The following GRIK2 variants were observed in gnomAD, a reference collection of about 807,000 sequenced individuals.
The protein encoded by GRIK2 is glutamate receptor ionotropic, kainate 2.
GRIK2 carries 32 observed loss-of-function variants against 100.3 expected under a neutral mutation model. The observed-to-expected ratio is 0.32, with a 90% confidence interval of 0.24 to 0.43. The LOEUF (loss-of-function observed/expected upper bound fraction) is 0.43, where lower values mean the gene tolerates loss of function less well. GRIK2 is among the 20% of genes least tolerant of loss of function. GRIK2 has a pLI of 1.00. For synonymous variants in GRIK2, 417 were observed against 389.4 expected (o/e 1.07, Z -0.83); for missense variants, 843 against 1,114.9 (o/e 0.76, Z 3.47).
At chr6:101,602,967 T>A (rs1779292150) in intron 2 of GRIK2, among the ~76,000 whole-genome samples, 1 of 151,772 alleles carries the variant, frequency 6.6e-6, no homozygotes, top group South Asian at 2.1e-4. Context: ...TATCTTCTAC[T>A]TTCTTATAGC....
In GRIK2 at chr6:102,035,324, A is replaced by G. The variant is rs762824882; in HGVS notation, c.2086-17A>G. 1.4e-6 allele frequency: 2 copies of G among 1,467,886 alleles called. No homozygotes were observed. Among genetic ancestry groups the G allele is most frequent in the South Asian group, 1.1e-5 (1 of 87,594 alleles). 90.9% of individuals were successfully genotyped at this position (1,467,886 alleles called of 1,614,324 possible). ...AGAATAACTTTCTCGTGACCAACTTATATTTATTTTCTTCAGAAATCAAAA... is the reference window on the plus strand; with the variant it reads ...AGAATAACTTTCTCGTGACCAACTTGTATTTATTTTCTTCAGAAATCAAAA... On this transcript the variant is annotated splice_polypyrimidine_tract_variant and intron_variant, in intron 14 of 16. Coordinates refer to ENST00000369134, the MANE Select transcript of GRIK2 (RefSeq NM_021956.5).
intron 7 of GRIK2, among the ~76,000 whole-genome samples, chr6:101,733,135 C>T (rs890487438): frequency 3.3e-5 from 5 of 152,068 alleles, no homozygotes; most frequent in South Asian, 2.1e-4. Context: ...ATACAAAATA[C>T]GTTCATTTCA....
At chr6:101,427,143 G>A (rs984568021) in intron 2 of GRIK2, among the ~76,000 whole-genome samples, 29 of 152,226 alleles carry the variant, frequency 1.9e-4, no homozygotes, top group Admixed American at 7.9e-4. Context: ...ATTACCACAT[G>A]GTATGGAAGT....
intron 2 of GRIK2, 49 bp downstream of exon 2, chr6:101,399,441 C>T (rs1247476933): frequency 2.1e-6 from 2 of 933,888 alleles, no homozygotes; most frequent in Non-Finnish European, 3.6e-6. Flanking sequence ...TCCCAGGCAG[C>T]CGGATGTAAA....
intron 5 of GRIK2, 87 bp from the exon 6 acceptor site, chr6:101,682,466 A>G (rs546845186): frequency 4.4e-5 from 32 of 721,858 alleles, no homozygotes; most frequent in South Asian, 4.1e-4. Flanking sequence ...TCTTTATCAC[A>G]TCCTACTATA....
At chr6:101,555,877 CCTAA>C (rs1226254887) in intron 2 of GRIK2, among the ~76,000 whole-genome samples, 2 of 151,844 alleles carry the variant, frequency 1.3e-5, no homozygotes, top group African/African-American at 4.8e-5. Flanking sequence ...GTAATAAATT[CCTAA>C]CTAACCACAA....
intron 4 of GRIK2, among the ~76,000 whole-genome samples, chr6:101,652,070 G>A (rs753553136): frequency 2.6e-5 from 4 of 152,152 alleles, no homozygotes; most frequent in Non-Finnish European, 5.9e-5. Flanking sequence ...CAATCTGGAG[G>A]TCATTGGCAA....
intron 4 of GRIK2, among the ~76,000 whole-genome samples, chr6:101,662,335 A>C (rs1279405643): frequency 6.6e-6 from 1 of 152,228 alleles, no homozygotes; most frequent in Non-Finnish European, 1.5e-5. Context: ...TGACATCTTC[A>C]TAGGCTCGCT....
At chr6:101,632,546 T>C (rs1780805282) in intron 4 of GRIK2, among the ~76,000 whole-genome samples, 2 of 152,146 alleles carry the variant, frequency 1.3e-5, no homozygotes, top group Admixed American at 6.6e-5. Context: ...AATTTTCAGA[T>C]ATATGGACAT....
chr6:101,430,225 A>G lies in GRIK2; in HGVS notation c.115+30833A>G, dbSNP rs1390094627. ...CATACAGGGTATTAAACAAATACCA[A>G]GGGAACAGTTAAGTTCAATACAAAG... On this transcript the variant is annotated intron_variant, in intron 2 of 16. Transcript: ENST00000369134. Among the ~76,000 whole-genome samples the G allele has an allele frequency of 5.9e-5, 9 of 152,238 alleles. No homozygotes were observed. The East Asian group carries it at 1.3e-3, about 23-fold the overall frequency.
In GRIK2 at chr6:101,426,461, C is replaced by T. The variant is rs182836962; in HGVS notation, c.115+27069C>T. ...TGTATTTTTGTATCAATTAACCAACCTCTCTTTATCCCCCCTCCTCCCTAC... is the reference window on the plus strand; with the variant it reads ...TGTATTTTTGTATCAATTAACCAACTTCTCTTTATCCCCCCTCCTCCCTAC... On this transcript the variant is annotated intron_variant, in intron 2 of 16. Coordinates refer to ENST00000369134, the MANE Select transcript of GRIK2 (RefSeq NM_021956.5). Among the ~76,000 whole-genome samples, 129 of 152,218 alleles carry T rather than the reference C, an allele frequency of 8.5e-4. 1 individual carries two copies. Among genetic ancestry groups the T allele is most frequent in the African/African-American group, 2.9e-3 (121 of 41,540 alleles).
At chr6:101,744,552 A>ATATATATATATG (rs1776293714) in intron 7 of GRIK2, 1 of 121,944 alleles carries the variant, frequency 8.2e-6, no homozygotes, top group Non-Finnish European at 1.7e-5. Flanking sequence ...ATATATATAT[A>ATATATATATATG]TATATATCAC....
At chr6:101,970,923 T>A (rs1228407902) in intron 14 of GRIK2, among the ~76,000 whole-genome samples, 2 of 150,806 alleles carry the variant, frequency 1.3e-5, no homozygotes, top group Non-Finnish European at 2.9e-5. Context: ...ACAATCATTG[T>A]CAATTAATCT....
chr6:101,616,548 A>C (rs1474111556), intron 2 of GRIK2, among the ~76,000 whole-genome samples: 2 of 151,808 alleles, frequency 1.3e-5, no homozygotes, highest in Non-Finnish European at 2.9e-5. Context: ...GTTTCTGTAA[A>C]AAGTCTTTTA....
At chr6:101,842,975 T>G (rs939730813) in intron 10 of GRIK2, among the ~76,000 whole-genome samples, 4 of 152,144 alleles carry the variant, frequency 2.6e-5, no homozygotes, top group Non-Finnish European at 5.9e-5. Context: ...AACAAAATGT[T>G]CAGTGAATTA....
At position 101,448,341 on chromosome 6, in the gene GRIK2, T is replaced by G. The variant is rs563934092; in HGVS notation, c.115+48949T>G. Among the ~76,000 whole-genome samples, 63 of 151,818 alleles carry G rather than the reference T, an allele frequency of 4.1e-4. 2 individuals carry two copies. The South Asian group carries it at 0.013, about 30-fold the overall frequency. On this transcript the variant is annotated intron_variant, in intron 2 of 16. Coordinates refer to ENST00000369134, the MANE Select transcript of GRIK2 (RefSeq NM_021956.5). ...GATAAATATATTTTGCAAGTACATT[T>G]AAGTCTGAGATCTGAAACAAAGTGT...
At chr6:101,824,080 T>TG (rs1272342074) in intron 10 of GRIK2, among the ~76,000 whole-genome samples, 1 of 151,994 alleles carries the variant, frequency 6.6e-6, no homozygotes, top group East Asian at 1.9e-4. Flanking sequence ...GTAGAGACGG[T>TG]GACCATGTTG....
chr6:101,451,374 A>G (rs893332616), intron 2 of GRIK2, among the ~76,000 whole-genome samples: 9 of 151,674 alleles, frequency 5.9e-5, no homozygotes, highest in African/African-American at 2.2e-4. Flanking sequence ...TATTATTTGT[A>G]TTTAATATCT....
At chr6:101,654,425 C>T (rs1562287771) in intron 4 of GRIK2, among the ~76,000 whole-genome samples, 1 of 152,146 alleles carries the variant, frequency 6.6e-6, no homozygotes, top group Non-Finnish European at 1.5e-5. Flanking sequence ...TTCTATACTT[C>T]CAGCTAATAG....
Sources: allele counts gnomAD v4.1 joint callset (sites outside exome capture counted in the v4.1 genomes callset), GRCh38; gene constraint gnomAD v4.1.1; transcripts MANE v1.5; gene names NCBI Gene and HGNC (gene_info 2026-07-23, HGNC 2026-07-21).